TGFA: variants seen among roughly 807,000 people sequenced by gnomAD.
The protein encoded by TGFA is transforming growth factor alpha.
Under a neutral mutation model 21.7 loss-of-function variants are expected in TGFA, and 12 were observed. The observed-to-expected ratio is 0.55, with a 90% CI of 0.35 to 0.90. The LOEUF is 0.90. Among genes scored for constraint, TGFA ranks in the 40% least tolerant of loss-of-function variants. The pLI is 0.01. For missense variants in TGFA, 178 were observed against 210.8 expected (o/e 0.84, Z 0.96); for synonymous variants, 79 against 88.1 (o/e 0.90, Z 0.58).
chr2:70,523,012 T>C (rs1553502529), intron 1 of TGFA, among the ~76,000 whole-genome samples: 1 of 152,132 alleles, frequency 6.6e-6, no homozygotes, highest in Admixed American at 6.5e-5. Flanking sequence ...TAAATCTGTG[T>C]TTTTCTATTT....
rs116166437 is a variant in TGFA, at chr2:70,473,055, G to A, written c.95-7319C>T. Among the ~76,000 whole-genome samples, 1,403 of 152,216 alleles carry A rather than the reference G, an allele frequency of 9.2e-3. 23 individuals carry two copies. Among genetic ancestry groups the A allele is most frequent in the African/African-American group, 0.032 (1,310 of 41,518 alleles). ...AGCAGTAGCTACTGGGGAAGCTGGCGGGGGGTATAAATCTGATACTCCCAG... is the reference window on the plus strand; with the variant it reads ...AGCAGTAGCTACTGGGGAAGCTGGCAGGGGGTATAAATCTGATACTCCCAG... On this transcript the variant is annotated intron_variant, in intron 2 of 5. Transcript: ENST00000295400.
At chr2:70,479,742 C>G (rs1553495077) in intron 2 of TGFA, among the ~76,000 whole-genome samples, 1 of 151,904 alleles carries the variant, frequency 6.6e-6, no homozygotes, top group Non-Finnish European at 1.5e-5. Context: ...TAATCTTCTG[C>G]TCATTAGTGT....
At position 70,500,970 on chromosome 2, in the gene TGFA, CAAA is replaced by C. The variant is rs34669349; in HGVS notation, c.94+13886_94+13888del. On this transcript the variant is annotated intron_variant, in intron 2 of 5. Transcript: ENST00000295400. ...TTGCCTGTGCTTTTAGGGCCATCTC[CAAA>C]AAAAAAAAAAAAATTGCAGAGACTG... is the stretch of plus-strand genomic sequence containing the variant. Among the ~76,000 whole-genome samples, 1,302 of 143,862 alleles carry C rather than the reference CAAA, an allele frequency of 9.1e-3. 56 individuals are homozygous for C. The highest frequency in any genetic ancestry group is 0.082 in the Admixed American group (1,185 of 14,486). 94.4% of individuals were successfully genotyped at this position (143,862 alleles called of 152,430 possible). A position where few individuals can be genotyped will look rare whatever the true frequency, so the allele number is the denominator to read the frequency against.
chr2:70,456,522 G>GTATGTA (rs1553490605), intron 3 of TGFA, 34 bp from the exon 4 acceptor site: 1 of 1,572,438 alleles, frequency 6.4e-7, no homozygotes, highest in Admixed American at 1.8e-5. Context: ...GCACTCTCCT[G>GTATGTA]ACAAAAGGTC....
At chr2:70,479,039 C>G (rs536611049) in intron 2 of TGFA, among the ~76,000 whole-genome samples, 25 of 152,158 alleles carry the variant, frequency 1.6e-4, no homozygotes, top group Non-Finnish European at 2.8e-4. Context: ...ATTTCATATC[C>G]TCATTATTTT....
chr2:70,520,753 AC>A (rs1672423536), intron 1 of TGFA, among the ~76,000 whole-genome samples: 1 of 151,922 alleles, frequency 6.6e-6, no homozygotes. Flanking sequence ...CACCGGACCG[AC>A]CCTATATTCC....
chr2:70,499,815 C>T (rs1269400533), intron 2 of TGFA, among the ~76,000 whole-genome samples: 3 of 152,132 alleles, frequency 2.0e-5, no homozygotes, highest in Non-Finnish European at 4.4e-5. Flanking sequence ...AAGGATGACC[C>T]TGGGGCTGGC....
intron 2 of TGFA, among the ~76,000 whole-genome samples, chr2:70,476,013 G>A (rs554985039): frequency 7.8e-6 from 1 of 128,546 alleles, no homozygotes; most frequent in African/African-American, 2.9e-5. Flanking sequence ...TCCTCCTCAT[G>A]ACCCCATTTC....
intron 2 of TGFA, among the ~76,000 whole-genome samples, chr2:70,472,538 A>G (rs1258011399): frequency 6.6e-6 from 1 of 152,182 alleles, no homozygotes; most frequent in Admixed American, 6.5e-5. Flanking sequence ...GGTCTGGAAT[A>G]GCAATTGAGG....
chr2:70,483,629 C>T (rs1166069050), intron 2 of TGFA, among the ~76,000 whole-genome samples: 7 of 152,170 alleles, frequency 4.6e-5, no homozygotes. Context: ...CTAACCTTTT[C>T]TACCTGCCAC....
rs1670027195 is a variant in TGFA at position 70,450,702 on chromosome 2, C to T, written c.*157G>A. The T allele has an allele frequency of 1.3e-6, 1 of 747,782 alleles. No homozygotes were observed. Among genetic ancestry groups the T allele is most frequent in the African/African-American group, 1.8e-5 (1 of 57,142 alleles). 46.3% of individuals were successfully genotyped at this position (747,782 alleles called of 1,614,324 possible). A position where few individuals can be genotyped will look rare whatever the true frequency, so the allele number is the denominator to read the frequency against. On this transcript the variant is annotated 3_prime_UTR_variant, in exon 6 of 6. Transcript: ENST00000295400. ...AACCCCAAGCAGACGGAGTTCTTGA[C>T]AGAGTTTTGAAGGCCCACAAAAGGC...
At chr2:70,511,386 T>C (rs1553500907) in intron 2 of TGFA, among the ~76,000 whole-genome samples, 1 of 152,178 alleles carries the variant, frequency 6.6e-6, no homozygotes, top group African/African-American at 2.4e-5. Flanking sequence ...CCCACCAGCA[T>C]CCAGAGCATT....
intron 1 of TGFA, among the ~76,000 whole-genome samples, chr2:70,530,918 C>T (rs1553503649): frequency 6.6e-6 from 1 of 152,192 alleles, no homozygotes; most frequent in Non-Finnish European, 1.5e-5. Flanking sequence ...CCTCAATGTA[C>T]CACCTCTGCA....
At chr2:70,545,252 G>A (rs1673261395) in intron 1 of TGFA, among the ~76,000 whole-genome samples, 1 of 151,980 alleles carries the variant, frequency 6.6e-6, no homozygotes, top group Non-Finnish European at 1.5e-5. Flanking sequence ...AGAAGACGAA[G>A]ATGAAGACGA....
chr2:70,529,734 C>G (rs1672759133), intron 1 of TGFA, among the ~76,000 whole-genome samples: 1 of 152,124 alleles, frequency 6.6e-6, no homozygotes, highest in Admixed American at 6.5e-5. Context: ...TGGGCAGCCC[C>G]TGGAAGACTT....
At chr2:70,484,425 A>G (rs1456290038) in intron 2 of TGFA, among the ~76,000 whole-genome samples, 1 of 152,212 alleles carries the variant, frequency 6.6e-6, no homozygotes, top group Admixed American at 6.5e-5. Flanking sequence ...TTAACTTTTG[A>G]TATCCCGATT....
intron 2 of TGFA, among the ~76,000 whole-genome samples, chr2:70,485,223 C>T (rs973055181): frequency 6.6e-6 from 1 of 152,138 alleles, no homozygotes; most frequent in East Asian, 1.9e-4. Flanking sequence ...AATTGATACG[C>T]CTACCTTCAC....
intron 2 of TGFA, among the ~76,000 whole-genome samples, chr2:70,471,109 A>ACCCCC (rs3836154): frequency 1.0e-4 from 11 of 107,274 alleles, no homozygotes; most frequent in African/African-American, 4.3e-4. Context: ...TCCTCCCCGC[A>ACCCCC]CCCCCCCCAC....
intron 1 of TGFA, among the ~76,000 whole-genome samples, chr2:70,547,555 A>C (rs1289035130): frequency 6.6e-6 from 1 of 150,532 alleles, no homozygotes; most frequent in African/African-American, 2.4e-5. Context: ...GAAAAAAAAA[A>C]AAAAACATGA....
Sources: gnomAD v4.1 joint callset for allele counts (sites outside exome capture counted in the v4.1 genomes callset) on GRCh38, gnomAD v4.1.1 for gene constraint, MANE v1.5 for transcripts, NCBI Gene and HGNC (gene_info 2026-07-23, HGNC 2026-07-21) for gene names.